FAM228B: variants seen among roughly 807,000 people sequenced by gnomAD.
FAM228B encodes protein FAM228B.
Under a neutral mutation model 42.6 loss-of-function variants are expected in FAM228B, and 38 were observed. That is an observed-to-expected ratio of 0.89 (90% CI 0.69 to 1.17). The LOEUF (loss-of-function observed/expected upper bound fraction) is 1.17. FAM228B is among the 50% of genes most tolerant of loss of function. The pLI, the probability that FAM228B is intolerant of heterozygous loss-of-function variation, is 0.00. For synonymous variants in FAM228B, 109 were observed against 122.3 expected (o/e 0.89, Z 0.72); for missense variants, 344 against 367.3 (o/e 0.94, Z 0.52).
intron 3 of FAM228B, among the ~76,000 whole-genome samples, chr2:24,102,777 A>G (rs1665630375): frequency 6.6e-6 from 1 of 152,238 alleles, no homozygotes; most frequent in Admixed American, 6.5e-5. Flanking sequence ...TATTTTCATT[A>G]ACATATCGGA....
intron 7 of FAM228B, among the ~76,000 whole-genome samples, chr2:24,153,683 A>G (rs1573779608): frequency 1.3e-5 from 2 of 151,768 alleles, no homozygotes; most frequent in African/African-American, 2.4e-5. Context: ...TGGTGCAAGC[A>G]CTCCCTTAGC....
At chr2:24,113,434 G>A (rs1454335613) in intron 3 of FAM228B, among the ~76,000 whole-genome samples, 3 of 152,212 alleles carry the variant, frequency 2.0e-5, no homozygotes, top group Admixed American at 6.5e-5. Context: ...TTAGCTGCAC[G>A]TGGCATGTGC....
intron 7 of FAM228B, among the ~76,000 whole-genome samples, chr2:24,150,831 C>A (rs1055768970): frequency 6.6e-6 from 1 of 152,126 alleles, no homozygotes; most frequent in Non-Finnish European, 1.5e-5. Context: ...TTATTTGTTT[C>A]TTTCCTCTTG....
At chr2:24,088,830 C>T (rs12464159) in intron 2 of FAM228B, among the ~76,000 whole-genome samples, 18,172 of 152,138 alleles carry the variant, frequency 0.12, 1,265 homozygotes, top group South Asian at 0.18. Flanking sequence ...GGCAACCTTG[C>T]GGGACTGAGC....
intron 8 of FAM228B, among the ~76,000 whole-genome samples, chr2:24,162,574 T>G (rs554912144): frequency 1.3e-5 from 2 of 152,262 alleles, no homozygotes; most frequent in South Asian, 4.1e-4. Context: ...GCTCCTAGGT[T>G]TCTACTCAGG....
chr2:24,119,722 T>A, upstream of FAM228B: 1 of 1,489,454 alleles, frequency 6.7e-7, no homozygotes, highest in Non-Finnish European at 9.3e-7. Flanking sequence ...CTCTTGGTTC[T>A]AATCACAGGA....
chr2:24,135,993 T>C (rs1666575779), intron 3 of FAM228B, among the ~76,000 whole-genome samples: 1 of 150,846 alleles, frequency 6.6e-6, no homozygotes, highest in African/African-American at 2.4e-5. Context: ...TTTTTTTTTT[T>C]TCCATAGAAT....
Position 24,080,692 on chromosome 2 carries a change from G to A in FAM228B, c.-289-184G>A. On this transcript the variant is annotated intron_variant, in intron 1 of 10. Transcript: ENST00000613899. The surrounding 1 kb of genome is among the most constrained non-coding windows in gnomAD (Gnocchi z 4.7). Reference sequence around the variant, plus strand: ...TCAAATACCATAGTACTAGAATTTGGCCAGGGCAGCTGTTGTGCACTTAGC... The same window carrying A: ...TCAAATACCATAGTACTAGAATTTGACCAGGGCAGCTGTTGTGCACTTAGC... 2 of 1,100,070 alleles carry A rather than the reference G, an allele frequency of 1.8e-6. No individual in the cohort carries two copies. The highest frequency in any genetic ancestry group is 2.7e-6 in the Non-Finnish European group (2 of 742,988). 68.1% of individuals were successfully genotyped at this position (1,100,070 alleles called of 1,614,324 possible).
intron 3 of FAM228B, among the ~76,000 whole-genome samples, chr2:24,113,003 T>C (rs535641951): frequency 0.12 from 18,085 of 152,172 alleles, 1,244 homozygotes; most frequent in South Asian, 0.18. Context: ...CAGTTAGTCT[T>C]CAGGACTGTG....
chr2:24,110,343 G>A (rs1056618271), intron 3 of FAM228B, among the ~76,000 whole-genome samples: 1 of 152,152 alleles, frequency 6.6e-6, no homozygotes, highest in Non-Finnish European at 1.5e-5. Context: ...CCATTTCTGG[G>A]ATGGGGGATA....
At chr2:24,166,050 A>ATAT (rs1553334331) in intron 9 of FAM228B, 15 of 11,714 alleles carry the variant, frequency 1.3e-3, no homozygotes, top group African/African-American at 2.5e-3. Context: ...CTAAAAAAAA[A>ATAT]AAAAATATAT....
At chr2:24,139,129 T>C (rs1666686885) in intron 4 of FAM228B, among the ~76,000 whole-genome samples, 1 of 152,204 alleles carries the variant, frequency 6.6e-6, no homozygotes, top group Non-Finnish European at 1.5e-5. Flanking sequence ...CCAAATCTTT[T>C]AGTGTTCCAA....
intron 7 of FAM228B, among the ~76,000 whole-genome samples, chr2:24,148,728 C>A (rs1666953279): frequency 1.3e-5 from 2 of 152,146 alleles, no homozygotes; most frequent in Admixed American, 6.5e-5. Flanking sequence ...TACAAAGAAT[C>A]TAATTATACC....
intron 8 of FAM228B, among the ~76,000 whole-genome samples, 181 bp from the exon 9 acceptor site, chr2:24,164,017 G>A (rs1312614330): frequency 6.6e-6 from 1 of 152,118 alleles, no homozygotes; most frequent in East Asian, 1.9e-4. Context: ...ACTATGACTA[G>A]AGCAAGGCAA....
intron 3 of FAM228B, among the ~76,000 whole-genome samples, chr2:24,113,572 A>C (rs1484780789): frequency 6.6e-6 from 1 of 152,054 alleles, no homozygotes; most frequent in Non-Finnish European, 1.5e-5. Context: ...CCTGTTTCAA[A>C]ACAAAAATAA....
chr2:24,147,622 C>T (rs1183585992), intron 7 of FAM228B, among the ~76,000 whole-genome samples: 1 of 152,054 alleles, frequency 6.6e-6, no homozygotes, highest in Non-Finnish European at 1.5e-5. Context: ...TGATTTCTGA[C>T]TTGTTTTTAA....
rs1665171245 is a variant in FAM228B at position 24,084,437 on chromosome 2, G to A, written c.-210+3482G>A. On this transcript the variant is annotated intron_variant, in intron 2 of 10. Coordinates refer to the FAM228B transcript ENST00000613899. The surrounding 1 kb of genome is among the most constrained non-coding windows in gnomAD (Gnocchi z 8.4). ...AGGGCAGGGGCCGCTGTATCCTCGC[G>A]GAGCAGCCCAGCCTCAGGCTGGCAC... 1.1e-5 allele frequency: 15 copies of A among 1,342,396 alleles called. No individual in the cohort carries two copies. Among genetic ancestry groups the A allele is most frequent in the Admixed American group, 2.8e-5 (1 of 35,306 alleles). The allele number at this position is 1,342,396 out of a possible 1,614,324, so 83.2% of individuals were successfully genotyped here.
intron 3 of FAM228B, among the ~76,000 whole-genome samples, chr2:24,106,372 T>G (rs1265571227): frequency 7.0e-6 from 1 of 143,086 alleles, no homozygotes; most frequent in Non-Finnish European, 1.5e-5. Context: ...CCAGGCTGAG[T>G]GCAGTGGCAT....
chr2:24,121,564 A>G (rs1406983497), upstream of FAM228B, among the ~76,000 whole-genome samples: 1 of 152,194 alleles, frequency 6.6e-6, no homozygotes, highest in Non-Finnish European at 1.5e-5. Flanking sequence ...TTCCTCTACA[A>G]TTGCAGAGTT....
Sources: allele counts gnomAD v4.1 joint callset (sites outside exome capture counted in the v4.1 genomes callset), GRCh38; gene constraint gnomAD v4.1.1; non-coding constraint Gnocchi (gnomAD v3.1); transcripts MANE v1.5; gene names NCBI Gene and HGNC (gene_info 2026-07-23, HGNC 2026-07-21).